NRCAM: variants seen among roughly 807,000 people sequenced by gnomAD.
The protein encoded by NRCAM is neuronal cell adhesion molecule, also known as NgCAM-related cell adhesion molecule.
A neutral mutation model predicts 156.5 loss-of-function variants in NRCAM; 83 were observed. The observed-to-expected ratio is 0.53, with a 90% CI of 0.44 to 0.64. The LOEUF (loss-of-function observed/expected upper bound fraction) is 0.64. Ranked by LOEUF, NRCAM falls within the 30% of genes least tolerant of loss-of-function variation. The probability of loss-of-function intolerance (pLI) is 0.00; values close to 1 mark genes in which losing one functional copy is unlikely to be tolerated. For synonymous variants in NRCAM, 538 were observed against 563.9 expected (o/e 0.95, Z 0.65); for missense variants, 1,417 against 1,597.3 (o/e 0.89, Z 1.92).
intron 30 of NRCAM, 32 bp downstream of exon 30, chr7:108,166,889 G>T: frequency 5.6e-6 from 9 of 1,606,816 alleles, no homozygotes; most frequent in Non-Finnish European, 7.7e-6. Flanking sequence ...ACCTCTGAGC[G>T]GGAGCCAGAA....
rs113899315 is a variant in NRCAM, at chr7:108,226,110, C to T, written c.721+98G>A. The T allele has an allele frequency of 4.2e-3, 3,442 of 822,356 alleles. 73 individuals carry two copies. In the African/African-American group the frequency reaches 0.048, roughly 11 times the overall value. 50.9% of individuals were successfully genotyped at this position (822,356 alleles called of 1,614,324 possible). A position where few individuals can be genotyped will look rare whatever the true frequency, so the allele number is the denominator to read the frequency against. On this transcript the variant is annotated intron_variant, in intron 9 of 32. Transcript: ENST00000379028. ...TCATGGGTGGCTTCCTGATAATGAACCTGTTTACTTCAAAGTCAGTAGTAT... is the reference window on the plus strand; with the variant it reads ...TCATGGGTGGCTTCCTGATAATGAATCTGTTTACTTCAAAGTCAGTAGTAT...
At chr7:108,195,659 G>A in intron 15 of NRCAM, 102 bp downstream of exon 15, 1 of 659,462 alleles carries the variant, frequency 1.5e-6, no homozygotes, top group Non-Finnish European at 2.7e-6. Flanking sequence ...ATTGTGTGGT[G>A]CCTTTCCCTG....
intron 2 of NRCAM, among the ~76,000 whole-genome samples, chr7:108,385,135 T>C (rs942665009): frequency 1.3e-5 from 2 of 152,230 alleles, no homozygotes; most frequent in African/African-American, 4.8e-5. Context: ...TTATGAGGAA[T>C]AGATCACATT....
Position 108,231,153 on chromosome 7 carries a change from C to A in NRCAM, c.428G>T (p.Arg143Ile). The part of the protein sequence containing the change: ...VSNNIVVRPS[R>I]SPLWTKEKLE... ...TTTTTCTTTGGTCCACAATGGTGAT[C>A]CTATTAAATAAAAAAATAACTTCTC... is the stretch of plus-strand genomic sequence containing the variant. The change falls in exon 8 of 33, where the codon AGA (arginine) becomes ATA (isoleucine). Residue 143 changes from arginine (R) to isoleucine (I), a missense_variant and splice_region_variant. Around this residue, in one of 2 missense-constraint regions of NRCAM, gnomAD observed 1,238 missense variants for 1,336.4 expected, o/e 0.93. Transcript: ENST00000379028. The A allele has an allele frequency of 6.4e-7, 1 of 1,570,908 alleles. No homozygotes were observed. Among genetic ancestry groups the A allele is most frequent in the Non-Finnish European group, 8.6e-7 (1 of 1,166,222 alleles).
intron 1 of NRCAM, among the ~76,000 whole-genome samples, chr7:108,451,625 A>C (rs926218881): frequency 6.6e-6 from 1 of 152,356 alleles, no homozygotes; most frequent in East Asian, 1.9e-4. Flanking sequence ...TCAGCATTAC[A>C]AAGGAAGGAA....
At chr7:108,412,269 A>C (rs372850556) in intron 1 of NRCAM, among the ~76,000 whole-genome samples, 23 of 138,680 alleles carry the variant, frequency 1.7e-4, no homozygotes, top group African/African-American at 2.9e-4. Flanking sequence ...AAAAAAAAAA[A>C]CCCAAAAAAC....
intron 2 of NRCAM, among the ~76,000 whole-genome samples, chr7:108,364,561 T>C (rs2099580129): frequency 6.6e-6 from 1 of 151,872 alleles, no homozygotes; most frequent in Non-Finnish European, 1.5e-5. Context: ...CCATTCATGT[T>C]CATAGTAGTA....
At chr7:108,419,160 T>A (rs376672418) in intron 1 of NRCAM, among the ~76,000 whole-genome samples, 1 of 152,218 alleles carries the variant, frequency 6.6e-6, no homozygotes, top group Non-Finnish European at 1.5e-5. Context: ...CTCATCCCCG[T>A]AACTGTTCTT....
intron 3 of NRCAM, among the ~76,000 whole-genome samples, chr7:108,292,678 A>G (rs1283402501): frequency 6.6e-6 from 1 of 152,174 alleles, no homozygotes; most frequent in Admixed American, 6.5e-5. Flanking sequence ...AAGTTACTTA[A>G]GGTCTGTATG....
chr7:108,161,532 T>A (rs553216139), intron 30 of NRCAM, among the ~76,000 whole-genome samples: 1 of 152,342 alleles, frequency 6.6e-6, no homozygotes, highest in South Asian at 2.1e-4. Flanking sequence ...ATAATCAAGA[T>A]AAAACATTTT....
intron 1 of NRCAM, among the ~76,000 whole-genome samples, chr7:108,410,549 C>T (rs1449118041): frequency 6.6e-6 from 1 of 152,198 alleles, no homozygotes; most frequent in Non-Finnish European, 1.5e-5. Context: ...TTTAATTGGT[C>T]TGAGGTAGGG....
intron 13 of NRCAM, among the ~76,000 whole-genome samples, chr7:108,198,609 T>A (rs1158262767): frequency 1.3e-5 from 2 of 152,144 alleles, no homozygotes; most frequent in Non-Finnish European, 2.9e-5. Flanking sequence ...AAGTTAACGA[T>A]CAAGAGGAAA....
At chr7:108,222,356 C>G (rs2092562818) in intron 11 of NRCAM, among the ~76,000 whole-genome samples, 1 of 152,102 alleles carries the variant, frequency 6.6e-6, no homozygotes. Flanking sequence ...TTACAACACT[C>G]CAAAGTTTTA....
rs989048417 is a variant in NRCAM at position 108,155,136 on chromosome 7, A to G, written c.3677+4327T>C. On this transcript the variant is annotated intron_variant, in intron 32 of 32. Coordinates refer to ENST00000379028, the MANE Select transcript of NRCAM (RefSeq NM_001037132.4). The stretch of plus-strand genomic sequence containing the variant: ...CACACACACACACACACACACACAC[A>G]CACACACATATAGCAGACCTTGATT... 4.6e-4 allele frequency among the ~76,000 whole-genome samples: 57 copies of G among 123,736 alleles called. No homozygotes were observed. In the East Asian group the frequency reaches 9.3e-3, roughly 20 times the overall value. The allele number at this position is 123,736 out of a possible 152,430, so 81.2% of individuals were successfully genotyped here.
At chr7:108,319,915 G>A (rs960193401) in intron 2 of NRCAM, among the ~76,000 whole-genome samples, 1 of 152,154 alleles carries the variant, frequency 6.6e-6, no homozygotes, top group Non-Finnish European at 1.5e-5. Context: ...GCAATGGGAA[G>A]CCACTGATGT....
At chr7:108,298,050 T>A (rs764785886) in intron 3 of NRCAM, among the ~76,000 whole-genome samples, 109 of 152,268 alleles carry the variant, frequency 7.2e-4, no homozygotes, top group Non-Finnish European at 9.4e-4. Flanking sequence ...TTTGGCTTTG[T>A]ACAAGCTTAA....
intron 3 of NRCAM, among the ~76,000 whole-genome samples, chr7:108,307,896 T>A (rs2098741898): frequency 6.6e-6 from 1 of 152,136 alleles, no homozygotes; most frequent in Non-Finnish European, 1.5e-5. Flanking sequence ...AGAGACATGA[T>A]AAAATACCCG....
At chr7:108,270,025 T>C (rs1233097692) in intron 3 of NRCAM, among the ~76,000 whole-genome samples, 1 of 152,240 alleles carries the variant, frequency 6.6e-6, no homozygotes, top group Non-Finnish European at 1.5e-5. Context: ...GAGTTCAAAA[T>C]GTTTCAGCAG....
intron 28 of NRCAM, among the ~76,000 whole-genome samples, chr7:108,172,077 G>A (rs2058656844): frequency 6.6e-6 from 1 of 152,052 alleles, no homozygotes; most frequent in Non-Finnish European, 1.5e-5. Context: ...GTTTATCCCT[G>A]TTTCTGTATT....
Sources: gnomAD v4.1 joint callset for allele counts (sites outside exome capture counted in the v4.1 genomes callset) on GRCh38, gnomAD v4.1.1 for gene constraint, gnomAD v4.1.1 regional missense constraint, MANE v1.5 for transcripts, NCBI Gene and HGNC (gene_info 2026-07-23, HGNC 2026-07-21) for gene names.